TELO2: variants seen among roughly 807,000 people sequenced by gnomAD.
TELO2 encodes the protein telomere maintenance 2.
A neutral mutation model predicts 91.0 loss-of-function variants in TELO2; 71 were observed. That is an observed-to-expected ratio of 0.78 (90% CI 0.64 to 0.95). The LOEUF (loss-of-function observed/expected upper bound fraction) is 0.95. Ranked by LOEUF, TELO2 falls within the 40% of genes least tolerant of loss-of-function variation. The probability of loss-of-function intolerance (pLI) is 0.00; values close to 1 mark genes in which losing one functional copy is unlikely to be tolerated. For missense variants in TELO2, 1,183 were observed against 1,141.3 expected, an observed-to-expected ratio of 1.04 and a Z score of -0.53; for synonymous variants, 584 against 518.9, an observed-to-expected ratio of 1.13 and a Z score of -1.71.
At position 1,509,815 on chromosome 16, in the gene TELO2, A is replaced by G. The variant is rs1218023001; in HGVS notation, c.2408-15A>G. 6.2e-7 allele frequency: 1 copy of G among 1,605,672 alleles called. No homozygotes were observed. The highest frequency in any genetic ancestry group is 1.7e-5 in the Admixed American group (1 of 59,522). ...CCACGCTGCCTCAGCTTTGCTTGTC[A>G]CTCTCGTCTGGCAGACGTGGCTGAG... On this transcript the variant is annotated splice_polypyrimidine_tract_variant and intron_variant, in intron 20 of 20. Transcript: ENST00000262319.
intron 20 of TELO2, among the ~76,000 whole-genome samples, chr16:1,508,971 G>A (rs2040014855): frequency 6.6e-6 from 1 of 152,106 alleles, no homozygotes; most frequent in Non-Finnish European, 1.5e-5. Context: ...CCAGACCCTT[G>A]GAGCTGCTGC....
chr16:1,497,194 T>C lies in TELO2; in HGVS notation c.682+90T>C. The C allele has an allele frequency of 6.4e-7, 1 of 1,560,300 alleles. No individual in the cohort carries two copies. Among genetic ancestry groups the C allele is most frequent in the Non-Finnish European group, 8.7e-7 (1 of 1,145,644 alleles). ...GAAGGCCGAGAATCCCTCCTGACCC[T>C]GGCCCTCTGCAGGGTCCCCTTGCCC... is the stretch of plus-strand genomic sequence containing the variant. On this transcript the variant is annotated intron_variant, in intron 4 of 20. Coordinates refer to ENST00000262319, the MANE Select transcript of TELO2 (RefSeq NM_016111.4). This position sits in a 1 kb window ranked among gnomAD's most constrained non-coding sequence, Gnocchi z 4.0.
intron 18 of TELO2, 60 bp from the exon 19 acceptor site, chr16:1,507,246 G>T: frequency 6.3e-7 from 1 of 1,588,644 alleles, no homozygotes. Flanking sequence ...GCCGCCCATG[G>T]GTGCTGGGAT....
chr16:1,500,100 C>T lies in TELO2; in HGVS notation c.938C>T (p.Pro313Leu). 6.2e-7 allele frequency: 1 copy of T among 1,609,098 alleles called. No individual in the cohort carries two copies. The highest frequency in any genetic ancestry group is 1.3e-5 in the African/African-American group (1 of 75,020). ...LLFLQSRLTT[P>L]MLQSLLGHLA... ...AGGCATGTGCTTTTATTGCAGACGC[C>T]CATGCTGCAGAGCCTGCTGGGCCAT... Residue 313 changes from proline (P) to leucine (L), a missense_variant, in exon 7 of 21, where the codon CCC (proline) becomes CTC (leucine). Transcript: ENST00000262319.
rs1360109418 is a variant in TELO2 at position 1,500,543 on chromosome 16, G to T, written c.1145-20G>T. On this transcript the variant is annotated intron_variant, in intron 8 of 20. Transcript: ENST00000262319. ...CTCGGGCGCCCCGAGGTGCTCAGGG[G>T]GCCTGTCCGGTGCTTGCAGAACTGC... 4 of 1,611,080 alleles carry T rather than the reference G, an allele frequency of 2.5e-6. No individual in the cohort carries two copies. In the South Asian group the frequency reaches 3.3e-5, roughly 13 times the overall value.
intron 20 of TELO2, among the ~76,000 whole-genome samples, chr16:1,508,384 G>A (rs1373935547): frequency 6.6e-6 from 1 of 152,238 alleles, no homozygotes; most frequent in Non-Finnish European, 1.5e-5. Flanking sequence ...ACCCGCCTCA[G>A]CCTCCCAAAG....
At chr16:1,508,660 C>T (rs765163258) in intron 20 of TELO2, among the ~76,000 whole-genome samples, 35 of 152,306 alleles carry the variant, frequency 2.3e-4, no homozygotes, top group Middle Eastern at 3.4e-3. Context: ...CTGTGTGCCT[C>T]TTCTGCCCCA....
intron 3 of TELO2, among the ~76,000 whole-genome samples, chr16:1,496,784 C>T (rs763476559): frequency 3.9e-5 from 6 of 152,226 alleles, no homozygotes; most frequent in Non-Finnish European, 7.3e-5. Context: ...ATACCGGTCC[C>T]GACCTCCTAC....
Position 1,497,164 on chromosome 16 carries a change from C to T in TELO2, c.682+60C>T. 6.2e-7 allele frequency: 1 copy of T among 1,600,318 alleles called. No homozygotes were observed. The highest frequency in any genetic ancestry group is 8.5e-7 in the Non-Finnish European group (1 of 1,170,414). The stretch of plus-strand genomic sequence containing the variant: ...CCGACCCTCACAGCCCATCAGCCTT[C>T]TGCAGAAGGCCGAGAATCCCTCCTG... On this transcript the variant is annotated intron_variant, in intron 4 of 20. Coordinates refer to ENST00000262319, the MANE Select transcript of TELO2 (RefSeq NM_016111.4). The surrounding 1 kb of genome is among the most constrained non-coding windows in gnomAD (Gnocchi z 4.0).
intron 10 of TELO2, 45 bp from the exon 11 acceptor site, chr16:1,501,618 G>GA (rs779142455): frequency 7.0e-6 from 11 of 1,581,280 alleles, no homozygotes; most frequent in Non-Finnish European, 9.5e-6. Context: ...GAGACCAGAG[G>GA]CTCGAGGGGC....
At position 1,500,648 on chromosome 16, in the gene TELO2, A is replaced by C. The variant is rs749443424; in HGVS notation, c.1230A>C (p.Ala410=). The C allele has an allele frequency of 1.9e-6, 3 of 1,612,580 alleles. No homozygotes were observed. The East Asian group carries it at 6.7e-5, about 36-fold the overall frequency. Residue 410 remains alanine (A), a synonymous_variant, in exon 9 of 21, where the codon GCA becomes GCC. Transcript: ENST00000262319. ...PPVRRLGMIV[A]EVVSARIHPE... is the part of the protein sequence containing the mutation. ...TGCGACGCCTGGGCATGATCGTGGC[A>C]GAGGTCGTTAGTGCCCGGATCCACC...
chr16:1,504,812 C>T lies in TELO2; in HGVS notation c.1843-598C>T, dbSNP rs184149157. 3.9e-5 allele frequency among the ~76,000 whole-genome samples: 6 copies of T among 152,184 alleles called. No homozygotes were observed. The East Asian group carries it at 7.8e-4, about 20-fold the overall frequency. On this transcript the variant is annotated intron_variant, in intron 15 of 20. Coordinates refer to ENST00000262319, the MANE Select transcript of TELO2 (RefSeq NM_016111.4). ...GACCTCGTGATCCGCCCGCCTCAGC[C>T]GTAACTGGTTCTAAGGTGCACACTT...
At chr16:1,509,642 GC>G (rs1196271738) in intron 20 of TELO2, among the ~76,000 whole-genome samples, 187 bp from the exon 21 acceptor site, 1 of 152,232 alleles carries the variant, frequency 6.6e-6, no homozygotes, top group East Asian at 1.9e-4. Flanking sequence ...GTACAGTGCT[GC>G]CTGCACAGAG....
chr16:1,506,367 CAG>C (rs2039893576), intron 17 of TELO2, 38 bp downstream of exon 17: 1 of 1,613,380 alleles, frequency 6.2e-7, no homozygotes, highest in African/African-American at 1.3e-5. Context: ...ACTTGGGGGA[CAG>C]GGACCCTGGA....
At chr16:1,508,916 G>A (rs1450637805) in intron 20 of TELO2, among the ~76,000 whole-genome samples, 1 of 152,188 alleles carries the variant, frequency 6.6e-6, no homozygotes, top group Admixed American at 6.5e-5. Context: ...GGGGAGTGCT[G>A]TGCTGGGCTT....
Position 1,497,651 on chromosome 16 carries a change from C to T in TELO2, c.830+143C>T, listed in dbSNP as rs2141025939. On this transcript the variant is annotated intron_variant, in intron 5 of 20. Coordinates refer to ENST00000262319, the MANE Select transcript of TELO2 (RefSeq NM_016111.4). The surrounding 1 kb of genome is among the most constrained non-coding windows in gnomAD (Gnocchi z 4.0). Reference sequence around the variant, plus strand: ...GGTGCCACAGGGTGTGGGTGGTGCCCTCTCAGTTCCCGCACGTGCTGATGG... The same window carrying T: ...GGTGCCACAGGGTGTGGGTGGTGCCTTCTCAGTTCCCGCACGTGCTGATGG... 4 of 1,153,142 alleles carry T rather than the reference C, an allele frequency of 3.5e-6. No individual in the cohort carries two copies. The highest frequency in any genetic ancestry group is 4.7e-6 in the Non-Finnish European group (4 of 843,812). 71.4% of individuals were successfully genotyped at this position (1,153,142 alleles called of 1,614,324 possible). A position where few individuals can be genotyped will look rare whatever the true frequency, so the allele number is the denominator to read the frequency against.
chr16:1,499,261 C>G lies in TELO2; in HGVS notation c.861C>G (p.Asn287Lys). The G allele has an allele frequency of 6.2e-7, 1 of 1,614,046 alleles. No homozygotes were observed. The highest frequency in any genetic ancestry group is 8.5e-7 in the Non-Finnish European group (1 of 1,180,010). Residue 287 changes from asparagine to lysine, a missense_variant, in exon 6 of 21, where the codon AAC (asparagine) becomes AAG (lysine). Physicochemically the swap from Asn to Lys is moderately conservative, Grantham distance 94. Transcript: ENST00000262319. ...AGGTCCTTTCGAGACTGCTGGGGAA[C>G]CTGGTGGTGAAGAACAAGAAGGCCC... ...GPEVLSRLLG[N>K]LVVKNKKAQF...
intron 11 of TELO2, 57 bp downstream of exon 11, chr16:1,501,830 C>T: frequency 5.1e-6 from 8 of 1,557,904 alleles, no homozygotes; most frequent in Non-Finnish European, 7.0e-6. Context: ...GCGAACCCCT[C>T]ACACTCCAAG....
In TELO2 at chr16:1,509,732, C is replaced by T; in HGVS notation, c.2408-98C>T. The T allele has an allele frequency of 5.2e-6, 6 of 1,143,050 alleles. No homozygotes were observed. The South Asian group carries it at 5.6e-5, about 11-fold the overall frequency. 70.8% of individuals were successfully genotyped at this position (1,143,050 alleles called of 1,614,324 possible). On this transcript the variant is annotated intron_variant, in intron 20 of 20. Transcript: ENST00000262319. ...CCGAGCCCCCTTTCTTCCATGGAGT[C>T]AGGCCTGGCGGGGCTGGTTCAGGCA... is the stretch of plus-strand genomic sequence containing the variant.
Sources: allele counts gnomAD v4.1 joint callset (sites outside exome capture counted in the v4.1 genomes callset), GRCh38; gene constraint gnomAD v4.1.1; non-coding constraint Gnocchi (gnomAD v3.1); transcripts MANE v1.5; gene names NCBI Gene and HGNC (gene_info 2026-07-23, HGNC 2026-07-21).